The following TENM3 variants were observed in gnomAD, a reference collection of about 807,000 sequenced individuals.
The protein encoded by TENM3 is teneurin transmembrane protein 3, also known as teneurin-3.
In TENM3, 63 loss-of-function variants were observed where a neutral mutation model predicts 255.1. That is an observed-to-expected ratio of 0.25 (90% confidence interval 0.20 to 0.30). The LOEUF (loss-of-function observed/expected upper bound fraction) is 0.30. TENM3 is among the 10% of genes least tolerant of loss of function. TENM3 has a pLI of 1.00. For missense variants in TENM3, 2,929 were observed against 3,461.1 expected (o/e 0.85, Z 3.86); for synonymous variants, 1,306 against 1,322.3 (o/e 0.99, Z 0.27).
chr4:182,478,160 A>G (rs991425725), intron 3 of TENM3, among the ~76,000 whole-genome samples: 4 of 152,072 alleles, frequency 2.6e-5, no homozygotes, highest in Non-Finnish European at 4.4e-5. Flanking sequence ...AACTTTTGTA[A>G]TTGAGGTAAT....
At chr4:181,942,940 T>C in the TENM3 span, among the ~76,000 whole-genome samples, 7 of 152,186 alleles carry the variant, frequency 4.6e-5, no homozygotes, top group Admixed American at 4.6e-4. Flanking sequence ...CCTTTGATAA[T>C]AGGTTAATAA....
Position 182,719,539 on chromosome 4 carries a change from A to G in TENM3, c.2368+5306A>G, listed in dbSNP as rs374490742. Among the ~76,000 whole-genome samples, 54 of 152,068 alleles carry G rather than the reference A, an allele frequency of 3.6e-4. 1 individual carries two copies. Among genetic ancestry groups the G allele is most frequent in the South Asian group, 1.5e-3 (7 of 4,814 alleles). The stretch of plus-strand genomic sequence containing the variant: ...CTCCCAAAGTGCTGGGATTACAGGC[A>G]TGAACCACTGCGCCTGGCCTAGAGC... On this transcript the variant is annotated intron_variant, in intron 13 of 27. Transcript: ENST00000511685.
chr4:182,771,930 C>G (rs1007677083), intron 22 of TENM3, among the ~76,000 whole-genome samples: 1 of 152,184 alleles, frequency 6.6e-6, no homozygotes, highest in South Asian at 2.1e-4. Context: ...CTCCTGAGTG[C>G]CCGTTCCTGC....
intron 1 of TENM3, among the ~76,000 whole-genome samples, chr4:182,218,988 C>G (rs758378410): frequency 1.3e-5 from 2 of 152,170 alleles, no homozygotes; most frequent in East Asian, 3.9e-4. Context: ...ACTGGGAGGC[C>G]GAGGCAGGCG....
the TENM3 span, among the ~76,000 whole-genome samples, chr4:181,529,393 G>T: frequency 3.3e-5 from 5 of 152,204 alleles, no homozygotes; most frequent in Admixed American, 6.5e-5. Flanking sequence ...AGGAAGAGCT[G>T]CTCAATTCAT....
intron 3 of TENM3, among the ~76,000 whole-genome samples, chr4:182,565,525 A>G (rs144752137): frequency 3.9e-5 from 6 of 152,340 alleles, no homozygotes; most frequent in Admixed American, 3.3e-4. Flanking sequence ...TTTTAAAAGT[A>G]TAAAGCCAAG....
the TENM3 span, among the ~76,000 whole-genome samples, chr4:182,099,913 C>T: frequency 1.3e-5 from 2 of 152,046 alleles, no homozygotes; most frequent in Non-Finnish European, 2.9e-5. Context: ...GAAGAAAAGA[C>T]AAGAGTAGCT....
At chr4:181,706,707 A>C in the TENM3 span, among the ~76,000 whole-genome samples, 1 of 152,222 alleles carries the variant, frequency 6.6e-6, no homozygotes, top group Non-Finnish European at 1.5e-5. Flanking sequence ...CTGCGCTGTG[A>C]GAAACAGGGA....
At chr4:181,838,679 A>G in the TENM3 span, among the ~76,000 whole-genome samples, 1 of 152,146 alleles carries the variant, frequency 6.6e-6, no homozygotes, top group African/African-American at 2.4e-5. Context: ...GAGTTTTCAA[A>G]TTTATTGACA....
At chr4:182,131,428 T>A in the TENM3 span, among the ~76,000 whole-genome samples, 1 of 152,232 alleles carries the variant, frequency 6.6e-6, no homozygotes, top group Non-Finnish European at 1.5e-5. Context: ...AGTCTTTTGT[T>A]AAATCAAAAA....
chr4:181,773,656 G>C, the TENM3 span, among the ~76,000 whole-genome samples: 3 of 152,166 alleles, frequency 2.0e-5, no homozygotes, highest in Non-Finnish European at 4.4e-5. Flanking sequence ...CTGTGACCCT[G>C]AAACAAATGC....
At chr4:182,196,552 A>T (rs1377681103) in intron 1 of TENM3, among the ~76,000 whole-genome samples, 2 of 152,040 alleles carry the variant, frequency 1.3e-5, no homozygotes, top group Non-Finnish European at 2.9e-5. Context: ...CACCTTCCCC[A>T]TCTTGTTTTC....
At chr4:182,756,963 C>T (rs1457559026) in intron 22 of TENM3, among the ~76,000 whole-genome samples, 1 of 152,104 alleles carries the variant, frequency 6.6e-6, no homozygotes, top group Non-Finnish European at 1.5e-5. Context: ...CAAAAAAGAG[C>T]ACAAGAAAAG....
At position 182,659,791 on chromosome 4, in the gene TENM3, C is replaced by G. The variant is rs553142995; in HGVS notation, c.1111+5898C>G. On this transcript the variant is annotated intron_variant, in intron 6 of 27. Transcript: ENST00000511685. ...TCCTTGCCTAAGCCCCTTCAGTGAC[C>G]TAGATTCTAGTCAGAAGCCTTTAAA... 3.3e-5 allele frequency among the ~76,000 whole-genome samples: 5 copies of G among 152,296 alleles called. No homozygotes were observed. In the East Asian group the frequency reaches 7.7e-4, roughly 23 times the overall value.
chr4:182,473,601 A>T (rs900171371), intron 3 of TENM3, among the ~76,000 whole-genome samples: 1 of 152,260 alleles, frequency 6.6e-6, no homozygotes, highest in Non-Finnish European at 1.5e-5. Flanking sequence ...TGAACTAGGG[A>T]GGCGGAGCTT....
chr4:181,567,528 T>A, the TENM3 span, among the ~76,000 whole-genome samples: 2 of 152,194 alleles, frequency 1.3e-5, no homozygotes, highest in African/African-American at 4.8e-5. Context: ...ACTTTCCTCA[T>A]AGACAGTTTC....
At position 182,671,831 on chromosome 4, in the gene TENM3, C is replaced by A. The variant is rs544723411; in HGVS notation, c.1112-1174C>A. 2.6e-4 allele frequency among the ~76,000 whole-genome samples: 39 copies of A among 152,212 alleles called. No homozygotes were observed. The South Asian group carries it at 7.9e-3, about 31-fold the overall frequency. On this transcript the variant is annotated intron_variant, in intron 6 of 27. Transcript: ENST00000511685. Reference sequence around the variant, plus strand: ...TCACTTCCTCTGCGTTTTGAATTAACAGTTTAATATTTTTTTTAAAAAAGA... The same window carrying A: ...TCACTTCCTCTGCGTTTTGAATTAAAAGTTTAATATTTTTTTTAAAAAAGA...
intron 1 of TENM3, among the ~76,000 whole-genome samples, chr4:182,247,587 A>T (rs962498993): frequency 2.6e-5 from 4 of 152,100 alleles, no homozygotes; most frequent in Non-Finnish European, 5.9e-5. Flanking sequence ...AGATTTTAAG[A>T]TTTTTCAGGC....
At chr4:182,213,991 C>T (rs1219751623) in intron 1 of TENM3, among the ~76,000 whole-genome samples, 3 of 152,006 alleles carry the variant, frequency 2.0e-5, no homozygotes, top group Admixed American at 1.3e-4. Context: ...TTAGTAGAGA[C>T]GGGGTTTCAC....
Sources: allele counts gnomAD v4.1 joint callset (sites outside exome capture counted in the v4.1 genomes callset), GRCh38; gene constraint gnomAD v4.1.1; transcripts MANE v1.5; gene names NCBI Gene and HGNC (gene_info 2026-07-23, HGNC 2026-07-21).